The following ETNK1 variants were observed in gnomAD, a reference collection of about 807,000 sequenced individuals.
ETNK1 encodes ethanolamine kinase 1.
In ETNK1, 8 loss-of-function variants were observed where a neutral mutation model predicts 45.1. That is an observed-to-expected ratio of 0.18 (90% confidence interval 0.10 to 0.32). ETNK1 has a LOEUF of 0.32. Among genes scored for constraint, ETNK1 ranks in the 10% least tolerant of loss-of-function variants. The probability of loss-of-function intolerance (pLI) is 1.00; values close to 1 mark genes in which losing one functional copy is unlikely to be tolerated. For missense variants in ETNK1, 302 were observed against 430.6 expected, an observed-to-expected ratio of 0.70 and a Z score of 2.64; for synonymous variants, 152 against 151.9, an observed-to-expected ratio of 1.00 and a Z score of -0.01.
Position 22,684,539 on chromosome 12 carries a change from T to C in ETNK1, c.1002T>C (p.Ile334=), listed in dbSNP as rs754925192. ...TGATTCAAGCCAAATACTCCACTAT[T>C]GAGTTTGATTTCCTTGGGTAAGTTA... The part of the protein sequence containing the change: ...WALIQAKYST[I]EFDFLGYAIV... Residue 334 remains isoleucine (I), a synonymous_variant, in exon 7 of 8, where the codon ATT becomes ATC. Transcript: ENST00000266517. The C allele has an allele frequency of 1.2e-6, 2 of 1,607,984 alleles. No homozygotes were observed. Among genetic ancestry groups the C allele is most frequent in the Admixed American group, 3.3e-5 (2 of 59,706 alleles).
At chr12:22,684,699 T>C (rs993726533) in intron 7 of ETNK1, 143 bp downstream of exon 7, 1 of 761,132 alleles carries the variant, frequency 1.3e-6, no homozygotes, top group African/African-American at 1.8e-5. Context: ...AAGAAATTGC[T>C]ATAAGCTGTT....
chr12:22,668,112 G>A (rs1246279922), intron 4 of ETNK1, among the ~76,000 whole-genome samples: 1 of 152,054 alleles, frequency 6.6e-6, no homozygotes, highest in Non-Finnish European at 1.5e-5. Context: ...TAAAGGTCAG[G>A]GGTCCCTTGA....
At position 22,686,214 on chromosome 12, in the gene ETNK1, G is replaced by A. The variant is rs1173287581; in HGVS notation, c.*1260G>A. ...TATTTTTAATTTTGTCTGGTGGTAA[G>A]AGGGAGGTAATTATTGTATGGAAAG... is the stretch of plus-strand genomic sequence containing the variant. On this transcript the variant is annotated 3_prime_UTR_variant, in exon 8 of 8. Coordinates refer to ENST00000266517, the MANE Select transcript of ETNK1 (RefSeq NM_018638.5). 1 of 152,304 alleles carries A rather than the reference G, an allele frequency of 6.6e-6. No homozygotes were observed. The highest frequency in any genetic ancestry group is 1.9e-4 in the East Asian group (1 of 5,196). The allele number at this position is 152,304 out of a possible 1,614,324, so 9.4% of individuals were successfully genotyped here.
chr12:22,671,392 G>A (rs775370192), intron 5 of ETNK1, 37 bp downstream of exon 5: 6 of 1,221,524 alleles, frequency 4.9e-6, no homozygotes, highest in South Asian at 2.5e-5. Flanking sequence ...GCTTTGAAAC[G>A]ATATTTTCAG....
intron 2 of ETNK1, 145 bp from the exon 3 acceptor site, chr12:22,658,868 TA>T: frequency 1.4e-6 from 1 of 718,050 alleles, no homozygotes; most frequent in Non-Finnish European, 2.2e-6. Context: ...GGGTTCTTGC[TA>T]AAACTGGTTT....
intron 2 of ETNK1, among the ~76,000 whole-genome samples, chr12:22,646,878 A>G (rs909308909): frequency 1.3e-5 from 2 of 151,858 alleles, no homozygotes; most frequent in African/African-American, 4.8e-5. Context: ...CTTGAGGGAA[A>G]AATAACCTAA....
chr12:22,635,218 T>C (rs957792728), intron 1 of ETNK1, among the ~76,000 whole-genome samples: 7 of 152,224 alleles, frequency 4.6e-5, no homozygotes, highest in Non-Finnish European at 8.8e-5. Flanking sequence ...ACTCAGTGTG[T>C]CCTCCTTTGC....
chr12:22,670,722 A>C (rs1441639324), intron 4 of ETNK1, among the ~76,000 whole-genome samples: 1 of 152,230 alleles, frequency 6.6e-6, no homozygotes, highest in Non-Finnish European at 1.5e-5. Flanking sequence ...GGAAAATGTA[A>C]GCATATGATA....
At chr12:22,680,172 T>C (rs543017053) in intron 6 of ETNK1, among the ~76,000 whole-genome samples, 1 of 152,324 alleles carries the variant, frequency 6.6e-6, no homozygotes, top group Non-Finnish European at 1.5e-5. Context: ...CCAAGTTCTG[T>C]TCTTGGTTCC....
chr12:22,642,447 A>T (rs562706649), intron 1 of ETNK1, among the ~76,000 whole-genome samples: 3 of 152,134 alleles, frequency 2.0e-5, no homozygotes, highest in African/African-American at 7.2e-5. Context: ...GCACATTTTT[A>T]AAAAATGGGG....
rs183633596 is a variant in ETNK1, at chr12:22,665,838, G to A, written c.700+4633G>A. Among the ~76,000 whole-genome samples the A allele has an allele frequency of 3.4e-4, 51 of 152,146 alleles. 1 individual carries two copies. In the East Asian group the frequency reaches 8.7e-3, roughly 26 times the overall value. ...AGGTAGTTAAGTCCTATAACTACTA[G>A]TAGGTAGTTATAGGACTTAATTAAC... On this transcript the variant is annotated intron_variant, in intron 4 of 7. Coordinates refer to ENST00000266517, the MANE Select transcript of ETNK1 (RefSeq NM_018638.5).
chr12:22,681,161 A>G (rs1954211782), intron 6 of ETNK1, among the ~76,000 whole-genome samples: 1 of 151,832 alleles, frequency 6.6e-6, no homozygotes, highest in Admixed American at 6.6e-5. Context: ...TCCATTTAGA[A>G]TCTACTGTTA....
At chr12:22,648,583 T>C (rs1953836253) in intron 2 of ETNK1, among the ~76,000 whole-genome samples, 2 of 152,038 alleles carry the variant, frequency 1.3e-5, no homozygotes, top group South Asian at 4.1e-4. Flanking sequence ...TAATGTTTCA[T>C]TGGATATGCA....
At chr12:22,663,072 C>A (rs1423570281) in intron 4 of ETNK1, among the ~76,000 whole-genome samples, 1 of 152,144 alleles carries the variant, frequency 6.6e-6, no homozygotes, top group Non-Finnish European at 1.5e-5. Context: ...TGTGTGGAAT[C>A]ATTTTTAAAA....
Position 22,673,743 on chromosome 12 carries a change from C to T in ETNK1, c.945+83C>T, listed in dbSNP as rs2137570472. ...AAATTTTCGTCATCTTAGACAATTT[C>T]CTATTTTAAGTTTTGTGAATTTTTG... On this transcript the variant is annotated intron_variant, in intron 6 of 7. Transcript: ENST00000266517. 7 of 1,331,160 alleles carry T rather than the reference C, an allele frequency of 5.3e-6. No homozygotes were observed. The South Asian group carries it at 1.0e-4, about 20-fold the overall frequency. 82.5% of individuals were successfully genotyped at this position (1,331,160 alleles called of 1,614,324 possible). A position where few individuals can be genotyped will look rare whatever the true frequency, so the allele number is the denominator to read the frequency against.
chr12:22,658,883 CAA>C, intron 2 of ETNK1, 129 bp from the exon 3 acceptor site: 1 of 886,510 alleles, frequency 1.1e-6, no homozygotes, highest in Non-Finnish European at 1.7e-6. Flanking sequence ...CTGGTTTTTA[CAA>C]GAGAGAGCAC....
In ETNK1 at chr12:22,685,199, C is replaced by A; in HGVS notation, c.*245C>A. ...AAATCTGCAAAAGGTATAAAGATGTCAGTTTAATTTCTTTGATAATTTAAC... is the reference window on the plus strand; with the variant it reads ...AAATCTGCAAAAGGTATAAAGATGTAAGTTTAATTTCTTTGATAATTTAAC... On this transcript the variant is annotated 3_prime_UTR_variant, in exon 8 of 8. Coordinates refer to ENST00000266517, the MANE Select transcript of ETNK1 (RefSeq NM_018638.5). 3.0e-6 allele frequency: 1 copy of A among 334,088 alleles called. No homozygotes were observed. The highest frequency in any genetic ancestry group is 5.5e-6 in the Non-Finnish European group (1 of 183,348). 20.7% of individuals were successfully genotyped at this position (334,088 alleles called of 1,614,324 possible). A position where few individuals can be genotyped will look rare whatever the true frequency, so the allele number is the denominator to read the frequency against.
intron 4 of ETNK1, among the ~76,000 whole-genome samples, chr12:22,661,946 C>T (rs369933254): frequency 1.3e-5 from 2 of 151,870 alleles, no homozygotes; most frequent in South Asian, 2.1e-4. Context: ...TGATAGATGC[C>T]CTTCAATGCT....
In ETNK1 at chr12:22,625,798, C is replaced by T. The variant is rs1223620650; in HGVS notation, c.156+212C>T. 4 of 772,112 alleles carry T rather than the reference C, an allele frequency of 5.2e-6. No individual in the cohort carries two copies. In the East Asian group the frequency reaches 8.0e-5, roughly 15 times the overall value. 47.8% of individuals were successfully genotyped at this position (772,112 alleles called of 1,614,324 possible). A position where few individuals can be genotyped will look rare whatever the true frequency, so the allele number is the denominator to read the frequency against. ...TGCTCTTTGAGATTGACCTGAGGCA[C>T]ATTTTCTCTTTCTAGAAGCCGCTGC... On this transcript the variant is annotated intron_variant, in intron 1 of 7. Coordinates refer to ENST00000266517, the MANE Select transcript of ETNK1 (RefSeq NM_018638.5).
Sources: allele counts gnomAD v4.1 joint callset (sites outside exome capture counted in the v4.1 genomes callset), GRCh38; gene constraint gnomAD v4.1.1; transcripts MANE v1.5; gene names NCBI Gene and HGNC (gene_info 2026-07-23, HGNC 2026-07-21).